GRM6: variants seen among roughly 807,000 people sequenced by gnomAD.
The protein encoded by GRM6 is glutamate metabotropic receptor 6, also known as metabotropic glutamate receptor 6.
In GRM6, 73 loss-of-function variants were observed where a neutral mutation model predicts 78.4. That is an observed-to-expected ratio of 0.93 (90% confidence interval 0.77 to 1.13). The LOEUF is 1.13. GRM6 is among the 50% of genes most tolerant of loss of function. The pLI, the probability that GRM6 is intolerant of heterozygous loss-of-function variation, is 0.00. For synonymous variants in GRM6, 580 were observed against 555.0 expected (o/e 1.05, Z -0.63); for missense variants, 1,251 against 1,256.4 (o/e 1.00, Z 0.07).
rs1760619859 is a variant in GRM6 at position 178,989,002 on chromosome 5, C to G, written c.1287G>C (p.Leu429=). Residue 429 remains leucine (L), a synonymous_variant, in exon 7 of 11, where the codon CTG becomes CTC. Coordinates refer to ENST00000517717, the MANE Select transcript of GRM6 (RefSeq NM_000843.4). ...HQALCPGHTG[L]CPAMEPTDGR... ...CATCAGTGGGTTCCATCGCCGGGCA[C>G]AGGCCTGTGTGCCCAGGGCAGAGCG... The G allele has an allele frequency of 1.2e-6, 2 of 1,613,972 alleles. No homozygotes were observed. Among genetic ancestry groups the G allele is most frequent in the Non-Finnish European group, 1.7e-6 (2 of 1,180,000 alleles).
At chr5:178,985,710 A>C (rs1561717060) in intron 9 of GRM6, 1 of 417,980 alleles carries the variant, frequency 2.4e-6, no homozygotes, top group Non-Finnish European at 4.7e-6. Flanking sequence ...CTAAAAAAAA[A>C]AAAACAAAAC....
intron 9 of GRM6, chr5:178,985,481 A>T (rs574779132): frequency 2.9e-6 from 1 of 342,460 alleles, no homozygotes; most frequent in Non-Finnish European, 5.7e-6. Flanking sequence ...AGGTGGGCGG[A>T]TCACGAGGTC....
intron 6 of GRM6, 45 bp downstream of exon 6, chr5:178,989,202 CCCCTCCCCACCCTCACCA>C (rs753844208): frequency 2.6e-5 from 34 of 1,317,682 alleles, no homozygotes; most frequent in African/African-American, 1.1e-4. Flanking sequence ...TCCCGCCTTC[CCCCTCCCCACCCTCACCA>C]CCCTCCCCAC....
chr5:178,981,641 G>T lies in GRM6; in HGVS notation c.*16C>A, dbSNP rs368800022. 8 of 1,602,374 alleles carry T rather than the reference G, an allele frequency of 5.0e-6. No individual in the cohort carries two copies. Among genetic ancestry groups the T allele is most frequent in the Non-Finnish European group, 6.8e-6 (8 of 1,169,592 alleles). ...GAAAGGAGAGGCAGCAAGCAGTCCC[G>T]TTCCCACCTGCCCTGCTACTTGTGG... On this transcript the variant is annotated 3_prime_UTR_variant, in exon 11 of 11. Transcript: ENST00000517717. This position sits in a 1 kb window ranked among gnomAD's most constrained non-coding sequence, Gnocchi z 5.1.
At position 178,991,720 on chromosome 5, in the gene GRM6, C is replaced by T. The variant is rs2113342691; in HGVS notation, c.721+147G>A. On this transcript the variant is annotated intron_variant, in intron 3 of 10. Transcript: ENST00000517717. This position sits in a 1 kb window ranked among gnomAD's most constrained non-coding sequence, Gnocchi z 5.0. ...TGAGGCAGGGCTGAGTCGTCCAAAA[C>T]AAAGAGGTCCCGCCCACATGGAGCA... 1 of 1,138,296 alleles carries T rather than the reference C, an allele frequency of 8.8e-7. No individual in the cohort carries two copies. The highest frequency in any genetic ancestry group is 1.3e-5 in the South Asian group (1 of 79,500). 70.5% of individuals were successfully genotyped at this position (1,138,296 alleles called of 1,614,324 possible).
At chr5:178,986,047 C>T (rs1226133221) in intron 9 of GRM6, 83 bp downstream of exon 9, 5 of 1,296,090 alleles carry the variant, frequency 3.9e-6, no homozygotes, top group Non-Finnish European at 5.4e-6. Flanking sequence ...CAGGCGTGTG[C>T]CACTGTGCCT....
rs1383895882 is a variant in GRM6 at position 178,981,647 on chromosome 5, A to T, written c.*10T>A. On this transcript the variant is annotated 3_prime_UTR_variant, in exon 11 of 11. Transcript: ENST00000517717. This position sits in a 1 kb window ranked among gnomAD's most constrained non-coding sequence, Gnocchi z 5.1. ...AGAGGCAGCAAGCAGTCCCGTTCCC[A>T]CCTGCCCTGCTACTTGTGGGCCTCT... 1 of 1,609,098 alleles carries T rather than the reference A, an allele frequency of 6.2e-7. No individual in the cohort carries two copies. The highest frequency in any genetic ancestry group is 8.5e-7 in the Non-Finnish European group (1 of 1,175,610).
rs759923637 is a variant in GRM6 at position 178,986,986 on chromosome 5, GGAGA to G, written c.1355-7_1355-4del. 5 of 1,613,238 alleles carry G rather than the reference GGAGA, an allele frequency of 3.1e-6. No individual in the cohort carries two copies. The highest frequency in any genetic ancestry group is 4.2e-6 in the Non-Finnish European group (5 of 1,179,660). ...CATCACAGGGGTTCCTGCGCTGCCT[GGAGA>G]GAGAGTCCGTCATCCTCGGTGGTCC... On this transcript the variant is annotated splice_polypyrimidine_tract_variant and splice_region_variant and intron_variant, in intron 7 of 10. Transcript: ENST00000517717.
chr5:178,983,151 G>A lies in GRM6; in HGVS notation c.2195C>T (p.Thr732Met), dbSNP rs769306495. The change falls in exon 10 of 11, where the codon ACG becomes ATG. Residue 732 changes from threonine to methionine, a missense_variant. Coordinates refer to ENST00000517717, the MANE Select transcript of GRM6 (RefSeq NM_000843.4). ...CCCTCTGGCCTGCTCGGGGTCCACC[G>A]TCCGCTGTTCCTCATAGTCAATCAC... ...HSVIDYEEQRTVDPEQARGVL... is the reference protein window; with the variant it reads ...HSVIDYEEQRMVDPEQARGVL... 1.8e-5 allele frequency: 29 copies of A among 1,613,792 alleles called. No homozygotes were observed. Among genetic ancestry groups the A allele is most frequent in the Middle Eastern group, 1.6e-4 (1 of 6,084 alleles).
chr5:178,987,038 C>G, intron 7 of GRM6, 55 bp from the exon 8 acceptor site: 1 of 1,572,944 alleles, frequency 6.4e-7, no homozygotes, highest in Non-Finnish European at 8.7e-7. Flanking sequence ...GAGCTGGCCT[C>G]CTGGGGAGGC....
intron 5 of GRM6, 198 bp from the exon 6 acceptor site, chr5:178,989,603 T>C: frequency 1.5e-6 from 1 of 662,498 alleles, no homozygotes; most frequent in Non-Finnish European, 2.7e-6. Context: ...AGTGGCCAGG[T>C]GAGCTAGGCG....
In GRM6 at chr5:178,991,876, G is replaced by A. The variant is rs199663175; in HGVS notation, c.712C>T (p.Arg238Ter). 142 of 1,613,384 alleles carry A rather than the reference G, an allele frequency of 8.8e-5. No homozygotes were observed. Among genetic ancestry groups the A allele is most frequent in the Non-Finnish European group, 5.7e-5 (67 of 1,179,646 alleles). Residue 238 changes from arginine to a stop codon, truncating the protein, a stop_gained, in exon 3 of 11, where the codon CGA (arginine) becomes TGA (stop). Coordinates refer to ENST00000517717, the MANE Select transcript of GRM6 (RefSeq NM_000843.4). LOFTEE classifies it high-confidence loss of function. The surrounding 1 kb of genome is among the most constrained non-coding windows in gnomAD (Gnocchi z 5.0). ...GGAGCCCCCAGCTCACCAGCCTCTC[G>A]GGAGATCTGAACGAAGGCCTCAACC... ...SGVEAFVQIS[R>*]EAGGVCIAQS...
At position 178,992,755 on chromosome 5, in the gene GRM6, CAG is replaced by C. The variant is rs777159554; in HGVS notation, c.505-674_505-673del. ...CTATAGCAGGAGCTGGTGTGAAGGCCAGAGAGGGGGAGTTTCTGGAAGGAGGG... is the reference window on the plus strand; with the variant it reads ...CTATAGCAGGAGCTGGTGTGAAGGCCAGAGGGGGAGTTTCTGGAAGGAGGG... On this transcript the variant is annotated intron_variant, in intron 2 of 10. Transcript: ENST00000517717. The surrounding 1 kb of genome is among the most constrained non-coding windows in gnomAD (Gnocchi z 4.9). Among the ~76,000 whole-genome samples, 2 of 149,478 alleles carry C rather than the reference CAG, an allele frequency of 1.3e-5. No homozygotes were observed. Among genetic ancestry groups the C allele is most frequent in the Non-Finnish European group, 3.0e-5 (2 of 67,484 alleles).
At chr5:178,986,782 G>A (rs367676315) in intron 8 of GRM6, 29 bp from the exon 9 acceptor site, 171 of 1,611,088 alleles carry the variant, frequency 1.1e-4, no homozygotes, top group Admixed American at 3.2e-4. Context: ...AGGCTGGGGC[G>A]TCTGCCTCCG....
intron 1 of GRM6, 121 bp downstream of exon 1, chr5:178,995,155 C>T (rs1001846187): frequency 9.8e-6 from 2 of 203,724 alleles, no homozygotes; most frequent in East Asian, 2.3e-4. Flanking sequence ...ACCCTGTCGC[C>T]CGGGGTCCCG....
intron 7 of GRM6, 58 bp from the exon 8 acceptor site, chr5:178,987,041 G>A: frequency 6.4e-7 from 1 of 1,560,654 alleles, no homozygotes; most frequent in Non-Finnish European, 8.8e-7. Context: ...CTGGCCTCCT[G>A]GGGAGGCCCC....
In GRM6 at chr5:178,989,388, T is replaced by C; in HGVS notation, c.1030A>G (p.Met344Val). Residue 344 changes from methionine (M) to valine (V), a missense_variant, in exon 6 of 11, where the codon ATG becomes GTG. Met to Val is a conservative substitution (Grantham distance 21). Transcript: ENST00000517717. ...CGGTTGTTCTCCAGGGATCGAGTCA[T>C]GAAGTACTGGTCAAATCCTACAGAC... ...ASIDGFDQYF[M>V]TRSLENNRRN... The C allele has an allele frequency of 6.2e-7, 1 of 1,614,110 alleles. No homozygotes were observed. The highest frequency in any genetic ancestry group is 8.5e-7 in the Non-Finnish European group (1 of 1,179,990).
At position 178,978,347 on chromosome 5, in the gene GRM6, A is replaced by T. The variant is rs549290725; in HGVS notation, c.*3310T>A. ...CAAACTTTTGGGAAAAGTTAAATTTATTGAACAGGAAGTAACTGAATAAAG... is the reference window on the plus strand; with the variant it reads ...CAAACTTTTGGGAAAAGTTAAATTTTTTGAACAGGAAGTAACTGAATAAAG... On this transcript the variant is annotated 3_prime_UTR_variant, in exon 11 of 11. Coordinates refer to ENST00000517717, the MANE Select transcript of GRM6 (RefSeq NM_000843.4). 1.3e-5 allele frequency: 2 copies of T among 152,250 alleles called. No individual in the cohort carries two copies. The highest frequency in any genetic ancestry group is 2.9e-5 in the Non-Finnish European group (2 of 68,044). 9.4% of individuals were successfully genotyped at this position (152,250 alleles called of 1,614,324 possible). A position where few individuals can be genotyped will look rare whatever the true frequency, so the allele number is the denominator to read the frequency against.
rs773405895 is a variant in GRM6 at position 178,986,709 on chromosome 5, CGAG to C, written c.1542_1544del (p.Ser516del). On this transcript the variant is annotated inframe_deletion, in exon 9 of 11. Transcript: ENST00000517717. ...GCCCGCAGGGCAGGCTGCACAGAGACGAGGGCACCTCGTGGGGGTCGCCAGACC... is the reference window on the plus strand; with the variant it reads ...GCCCGCAGGGCAGGCTGCACAGAGACGGCACCTCGTGGGGGTCGCCAGACC... The C allele has an allele frequency of 2.5e-6, 4 of 1,604,812 alleles. No individual in the cohort carries two copies. In the African/African-American group the frequency reaches 5.3e-5, roughly 21 times the overall value.
Sources: gnomAD v4.1 joint callset for allele counts (sites outside exome capture counted in the v4.1 genomes callset) on GRCh38, gnomAD v4.1.1 for gene constraint, Gnocchi (gnomAD v3.1) non-coding constraint, MANE v1.5 for transcripts, NCBI Gene and HGNC (gene_info 2026-07-23, HGNC 2026-07-21) for gene names.